The following DHX35 variants were observed in gnomAD, a reference collection of about 807,000 sequenced individuals.
DHX35 encodes the protein probable ATP-dependent RNA helicase DHX35.
In DHX35, 84 loss-of-function variants were observed where a neutral mutation model predicts 99.6. That is an observed-to-expected ratio of 0.84 (90% CI 0.71 to 1.01). The LOEUF is 1.01. DHX35 is among the 50% of genes least tolerant of loss of function. DHX35 has a pLI of 0.00. For missense variants in DHX35, 852 were observed against 888.5 expected (o/e 0.96, Z 0.52); for synonymous variants, 331 against 316.2 (o/e 1.05, Z -0.50).
chr20:39,003,796 A>G lies in DHX35; in HGVS notation c.900A>G (p.Ala300=), dbSNP rs1201343976. The G allele has an allele frequency of 1.2e-6, 2 of 1,614,232 alleles. No individual in the cohort carries two copies. Among genetic ancestry groups the G allele is most frequent in the East Asian group, 2.2e-5 (1 of 44,884 alleles). Residue 300 remains alanine (A), a synonymous_variant, in exon 11 of 22, where the codon GCA becomes GCG. Coordinates refer to ENST00000252011, the MANE Select transcript of DHX35 (RefSeq NM_021931.4). The part of the protein sequence containing the change: ...VVSMLIEQAR[A]LARTGMKRHL... ...CGATGCTCATCGAGCAGGCTCGAGC[A>G]CTAGCTCGCACTGGGATGAAGAGAC...
chr20:38,999,047 C>T (rs1454066592), intron 8 of DHX35, among the ~76,000 whole-genome samples: 1 of 152,134 alleles, frequency 6.6e-6, no homozygotes, highest in African/African-American at 2.4e-5. Context: ...CATCCACCCG[C>T]CTTGGCCTCC....
At chr20:39,030,905 G>A (rs2087039759) in intron 20 of DHX35, 130 bp downstream of exon 20, 1 of 982,398 alleles carries the variant, frequency 1.0e-6, no homozygotes, top group Admixed American at 2.3e-5. Flanking sequence ...GCTCACGCCT[G>A]TAATCCCAGC....
intron 5 of DHX35, among the ~76,000 whole-genome samples, chr20:38,989,741 A>G (rs1017286526): frequency 6.6e-6 from 1 of 152,170 alleles, no homozygotes; most frequent in African/African-American, 2.4e-5. Flanking sequence ...TCATATGAAA[A>G]TGGATTTTAC....
chr20:39,020,910 G>A (rs574604564), intron 15 of DHX35, among the ~76,000 whole-genome samples: 2 of 152,194 alleles, frequency 1.3e-5, no homozygotes, highest in South Asian at 2.1e-4. Context: ...TCATCTGCCC[G>A]CCTTGGCCTC....
Position 39,001,834 on chromosome 20 carries a change from T to C in DHX35, c.747T>C (p.Tyr249=). ...GAACATTTCCGGTGGATATCTTTTA[T>C]CTACAAAGGTTTGATGATGCTTGAA... ...EGRTFPVDIF[Y]LQSPVPDYIK... is the part of the protein sequence containing the mutation. The change falls in exon 9 of 22, where the codon TAT becomes TAC. Residue 249 remains tyrosine, a synonymous_variant. Transcript: ENST00000252011. The C allele has an allele frequency of 6.2e-7, 1 of 1,610,328 alleles. No homozygotes were observed. Among genetic ancestry groups the C allele is most frequent in the Non-Finnish European group, 8.5e-7 (1 of 1,177,014 alleles).
chr20:39,036,816 G>A (rs2087161068), intron 21 of DHX35, among the ~76,000 whole-genome samples: 1 of 149,820 alleles, frequency 6.7e-6, no homozygotes, highest in South Asian at 2.1e-4. Flanking sequence ...AGAAACTTGT[G>A]TTGTTTCTTA....
At chr20:39,018,733 C>G in intron 14 of DHX35, 71 bp from the exon 15 acceptor site, 1 of 1,416,008 alleles carries the variant, frequency 7.1e-7, no homozygotes, top group Non-Finnish European at 9.9e-7. Context: ...ATCTTTTATT[C>G]TCTCAGCAAC....
At chr20:38,971,505 T>C (rs886331056) in intron 2 of DHX35, among the ~76,000 whole-genome samples, 3 of 152,156 alleles carry the variant, frequency 2.0e-5, no homozygotes, top group African/African-American at 7.2e-5. Context: ...CTATCTTGGA[T>C]GCAAGTCTGC....
intron 17 of DHX35, 70 bp from the exon 18 acceptor site, chr20:39,025,160 A>T: frequency 6.7e-7 from 1 of 1,502,256 alleles, no homozygotes; most frequent in East Asian, 2.3e-5. Flanking sequence ...GAGAAGAATG[A>T]TCTTTACAAC....
At chr20:39,034,414 T>C in intron 21 of DHX35, 97 bp downstream of exon 21, 1 of 1,016,970 alleles carries the variant, frequency 9.8e-7, no homozygotes, top group Non-Finnish European at 1.5e-6. Flanking sequence ...CCTATGTGTG[T>C]TCCCCCTAGG....
chr20:39,003,749 G>GA lies in DHX35; in HGVS notation c.855dup (p.Glu286ArgfsTer38). ...TTGGTTCCTGGTTCAACGTCTTTAG[G>GA]AAGAGGTAGAAACTGTTGTGTCGAT... On this transcript the variant is annotated frameshift_variant and splice_region_variant, in exon 11 of 22. Coordinates refer to ENST00000252011, the MANE Select transcript of DHX35 (RefSeq NM_021931.4). LOFTEE classifies it high-confidence loss of function. 1 of 1,607,542 alleles carries GA rather than the reference G, an allele frequency of 6.2e-7. No homozygotes were observed. The highest frequency in any genetic ancestry group is 8.5e-7 in the Non-Finnish European group (1 of 1,174,660).
intron 18 of DHX35, among the ~76,000 whole-genome samples, chr20:39,026,612 G>A (rs563710506): frequency 1.3e-5 from 2 of 152,190 alleles, no homozygotes; most frequent in Non-Finnish European, 2.9e-5. Flanking sequence ...CAGCTTCCTT[G>A]AGGTGTGGTG....
intron 8 of DHX35, among the ~76,000 whole-genome samples, chr20:38,997,309 G>C (rs933833157): frequency 8.5e-5 from 13 of 152,062 alleles, no homozygotes; most frequent in African/African-American, 3.1e-4. Context: ...GACCTCAGGT[G>C]ATCCTCCCGC....
At position 39,039,322 on chromosome 20, in the gene DHX35, G is replaced by A. The variant is rs548035686; in HGVS notation, c.*779G>A. ...TCCCACAGGGCCTCCTCTTTAGCAG[G>A]AATTCACAACAGTTTGGATGCCCTA... is the stretch of plus-strand genomic sequence containing the variant. On this transcript the variant is annotated 3_prime_UTR_variant, in exon 22 of 22. Coordinates refer to ENST00000252011, the MANE Select transcript of DHX35 (RefSeq NM_021931.4). 16 of 152,784 alleles carry A rather than the reference G, an allele frequency of 1.0e-4. No homozygotes were observed. Among genetic ancestry groups the A allele is most frequent in the Non-Finnish European group, 1.5e-5 (1 of 68,042 alleles). The allele number at this position is 152,784 out of a possible 1,614,324, so 9.5% of individuals were successfully genotyped here. A position where few individuals can be genotyped will look rare whatever the true frequency, so the allele number is the denominator to read the frequency against.
At chr20:38,984,666 A>G (rs1239678431) in intron 4 of DHX35, among the ~76,000 whole-genome samples, 3 of 152,164 alleles carry the variant, frequency 2.0e-5, no homozygotes, top group Non-Finnish European at 4.4e-5. Context: ...TAGCACATGT[A>G]TTCTTCTTTC....
At chr20:39,035,062 C>T (rs529718356) in intron 21 of DHX35, among the ~76,000 whole-genome samples, 2 of 146,596 alleles carry the variant, frequency 1.4e-5, no homozygotes, top group African/African-American at 5.1e-5. Context: ...GCCACCAGTT[C>T]GTTTTTTATT....
chr20:38,962,565 C>G, intron 1 of DHX35, 158 bp downstream of exon 1: 1 of 854,178 alleles, frequency 1.2e-6, no homozygotes, highest in Non-Finnish European at 1.8e-6. Context: ...CTCAGGCTCC[C>G]CAGTGGTCCC....
At chr20:38,962,709 A>G (rs1051832221) in intron 1 of DHX35, 7 of 428,036 alleles carry the variant, frequency 1.6e-5, no homozygotes, top group Admixed American at 8.0e-5. Flanking sequence ...GGGGAATCCT[A>G]AAGCTCCCTC....
chr20:38,985,810 C>T (rs947166808), intron 4 of DHX35, among the ~76,000 whole-genome samples: 8 of 152,168 alleles, frequency 5.3e-5, no homozygotes, highest in Non-Finnish European at 1.0e-4. Context: ...CTTGAAAGAG[C>T]AAAGAGCATG....
Sources: allele counts gnomAD v4.1 joint callset (sites outside exome capture counted in the v4.1 genomes callset), GRCh38; gene constraint gnomAD v4.1.1; transcripts MANE v1.5; gene names NCBI Gene and HGNC (gene_info 2026-07-23, HGNC 2026-07-21).